Variants in DARS2 observed in about 807,000 individuals in gnomAD.
DARS2 encodes the protein aspartate--tRNA ligase, mitochondrial.
DARS2 carries 63 observed loss-of-function variants against 83.0 expected under a neutral mutation model. The observed-to-expected ratio is 0.76, with a 90% CI of 0.62 to 0.94. The LOEUF (loss-of-function observed/expected upper bound fraction) is 0.94, where lower values mean the gene tolerates loss of function less well. Ranked by LOEUF, DARS2 falls within the 40% of genes least tolerant of loss-of-function variation. DARS2 has a pLI of 0.00. For synonymous variants in DARS2, 250 were observed against 269.3 expected (o/e 0.93, Z 0.70); for missense variants, 675 against 774.4 (o/e 0.87, Z 1.52).
At position 173,840,937 on chromosome 1, in the gene DARS2, TG is replaced by T. The variant is rs1553202681; in HGVS notation, c.1094del (p.Gly365GlufsTer3). 1 of 1,612,536 alleles carries T rather than the reference TG, an allele frequency of 6.2e-7. No individual in the cohort carries two copies. The highest frequency in any genetic ancestry group is 1.1e-5 in the South Asian group (1 of 91,058). ...FLQDALSKPH[G>X]TVKAICIPEG... The stretch of plus-strand genomic sequence containing the variant: ...TTCAAGATGCACTTAGTAAGCCCCA[TG>T]GAACTGTGAAAGCCATATGTATCCC... On this transcript the variant is annotated frameshift_variant, in exon 11 of 17. Coordinates refer to ENST00000649689, the MANE Select transcript of DARS2 (RefSeq NM_018122.5). LOFTEE classifies it high-confidence loss of function.
rs541775140 is a variant in DARS2, at chr1:173,856,014, A to G, written c.1675-652A>G. On this transcript the variant is annotated intron_variant, in intron 15 of 16. Transcript: ENST00000649689. ...AAATAGTGGTTCTCAGCCCTGCTGCACCTTACAATCAAATCACCTGGAAAG... is the reference window on the plus strand; with the variant it reads ...AAATAGTGGTTCTCAGCCCTGCTGCGCCTTACAATCAAATCACCTGGAAAG... 3.3e-5 allele frequency among the ~76,000 whole-genome samples: 5 copies of G among 152,070 alleles called. No individual in the cohort carries two copies. In the South Asian group the frequency reaches 6.2e-4, roughly 19 times the overall value.
chr1:173,854,633 A>G (rs1414060910), intron 15 of DARS2, among the ~76,000 whole-genome samples: 1 of 152,218 alleles, frequency 6.6e-6, no homozygotes, highest in Non-Finnish European at 1.5e-5. Flanking sequence ...GTGGCTCTTA[A>G]GCCCATGCTC....
At chr1:173,854,409 A>G (rs138020908) in intron 15 of DARS2, among the ~76,000 whole-genome samples, 10 of 152,344 alleles carry the variant, frequency 6.6e-5, no homozygotes, top group Non-Finnish European at 1.5e-4. Flanking sequence ...AAATAATAAT[A>G]TTAAATGCTT....
chr1:173,825,794 C>T (rs1557852395), intron 1 of DARS2, among the ~76,000 whole-genome samples: 1 of 25,082 alleles, frequency 4.0e-5, no homozygotes, highest in Non-Finnish European at 7.1e-5. Flanking sequence ...ACTGGATAGC[C>T]TTATGTGTAG....
In DARS2 at chr1:173,825,396, C is replaced by T. The variant is rs556817625; in HGVS notation, c.127+40C>T. ...GAGATCTATCCTATGAACAGTACTT[C>T]AGCCTGTTATCTACGGCCGGAGAGC... On this transcript the variant is annotated intron_variant, in intron 1 of 16. Coordinates refer to ENST00000649689, the MANE Select transcript of DARS2 (RefSeq NM_018122.5). 2.5e-6 allele frequency: 4 copies of T among 1,601,090 alleles called. No individual in the cohort carries two copies. The Admixed American group carries it at 5.0e-5, about 20-fold the overall frequency.
intron 12 of DARS2, among the ~76,000 whole-genome samples, chr1:173,849,861 CTTTT>C (rs10558579): frequency 0.014 from 1,566 of 109,942 alleles, 22 homozygotes; most frequent in African/African-American, 0.048. Flanking sequence ...GTTGAAATGA[CTTTT>C]TTTTTTTTTT....
intron 12 of DARS2, among the ~76,000 whole-genome samples, chr1:173,847,854 T>C (rs1653494536): frequency 7.2e-6 from 1 of 139,692 alleles, no homozygotes; most frequent in Non-Finnish European, 1.6e-5. Context: ...CTTTTTTTTT[T>C]TTTTTTTTTT....
At chr1:173,833,892 T>C (rs1652884314) in intron 6 of DARS2, among the ~76,000 whole-genome samples, 1 of 152,008 alleles carries the variant, frequency 6.6e-6, no homozygotes, top group South Asian at 2.1e-4. Context: ...CCCAAGTAGC[T>C]AGGACCACAG....
In DARS2 at chr1:173,826,665, CTTTTTTTTT is replaced by C; in HGVS notation, c.128-13_128-5del. The C allele has an allele frequency of 1.6e-6, 2 of 1,260,700 alleles. No homozygotes were observed. The highest frequency in any genetic ancestry group is 1.1e-6 in the Non-Finnish European group (1 of 913,164). The allele number at this position is 1,260,700 out of a possible 1,614,324, so 78.1% of individuals were successfully genotyped here. A position where few individuals can be genotyped will look rare whatever the true frequency, so the allele number is the denominator to read the frequency against. The stretch of plus-strand genomic sequence containing the variant: ...TTTTTAATCTTGCCTTTTAAAGTTT[CTTTTTTTTT>C]TTTTTTTTAAAGAATTCAGTAGCTT... On this transcript the variant is annotated splice_polypyrimidine_tract_variant and intron_variant, in intron 1 of 16. Transcript: ENST00000649689.
rs769537132 is a variant in DARS2, at chr1:173,857,498, T to C, written c.1751-20T>C. The C allele has an allele frequency of 2.5e-6, 4 of 1,609,304 alleles. No homozygotes were observed. Among genetic ancestry groups the C allele is most frequent in the Non-Finnish European group, 1.7e-6 (2 of 1,175,606 alleles). On this transcript the variant is annotated intron_variant, in intron 16 of 16. Transcript: ENST00000649689. ...ATTAGATTACATTTCTCATCTGTTA[T>C]CTTTGTATTTTACTCACAGGGTTAG...
At chr1:173,837,122 C>A (rs749852083) in intron 8 of DARS2, 76 bp downstream of exon 8, 6 of 1,288,012 alleles carry the variant, frequency 4.7e-6, no homozygotes, top group Admixed American at 3.4e-5. Flanking sequence ...ACACAAAATC[C>A]TCTCTGTTCT....
At chr1:173,833,023 A>G (rs993844095) in intron 5 of DARS2, among the ~76,000 whole-genome samples, 13 of 152,146 alleles carry the variant, frequency 8.5e-5, no homozygotes. Context: ...GGCACATGCC[A>G]CCATGCCCAG....
At chr1:173,825,448 CCATTATTATTATTATTAT>C in intron 1 of DARS2, 92 bp downstream of exon 1, 1 of 646,150 alleles carries the variant, frequency 1.5e-6, no homozygotes, top group Non-Finnish European at 2.2e-6. Flanking sequence ...ATTTTTTCCC[CCATTATTATTATTATTAT>C]TATTATTATT....
chr1:173,832,110 G>A lies in DARS2; in HGVS notation c.492+480G>A, dbSNP rs1341671622. Among the ~76,000 whole-genome samples the A allele has an allele frequency of 2.6e-5, 4 of 152,140 alleles. No individual in the cohort carries two copies. In the East Asian group the frequency reaches 7.7e-4, roughly 29 times the overall value. On this transcript the variant is annotated intron_variant, in intron 5 of 16. Transcript: ENST00000649689. ...TGCCAAAGTTTAAGGGCTTGATGGA[G>A]CTGTACACTCATATGATTTTCAGCT...
chr1:173,852,235 C>T (rs1653699607), intron 13 of DARS2: 1 of 985,292 alleles, frequency 1.0e-6, no homozygotes, highest in Admixed American at 6.2e-5. Context: ...ACCAGCTGTC[C>T]TTTCTCAGGG....
intron 7 of DARS2, among the ~76,000 whole-genome samples, chr1:173,834,879 A>G (rs1167436739): frequency 1.4e-5 from 2 of 147,996 alleles, no homozygotes; most frequent in African/African-American, 5.0e-5. Context: ...ACTGGATCCA[A>G]GCGATTCTCA....
chr1:173,853,988 T>G, intron 15 of DARS2, 83 bp downstream of exon 15: 1 of 1,254,832 alleles, frequency 8.0e-7, no homozygotes, highest in Non-Finnish European at 1.1e-6. Context: ...TGTTTGCTTG[T>G]TTGTTTTGTT....
chr1:173,831,837 A>G (rs1042081249), intron 5 of DARS2, among the ~76,000 whole-genome samples: 3 of 152,214 alleles, frequency 2.0e-5, no homozygotes, highest in Non-Finnish European at 4.4e-5. Context: ...TGCAGTCCCT[A>G]AATACCTAGA....
At chr1:173,845,896 G>A (rs1348284816) in intron 12 of DARS2, among the ~76,000 whole-genome samples, 1 of 152,046 alleles carries the variant, frequency 6.6e-6, no homozygotes, top group Non-Finnish European at 1.5e-5. Context: ...GTTGGCTCAC[G>A]CCTGTAATCC....
Sources: allele counts gnomAD v4.1 joint callset (sites outside exome capture counted in the v4.1 genomes callset), GRCh38; gene constraint gnomAD v4.1.1; transcripts MANE v1.5; gene names NCBI Gene and HGNC (gene_info 2026-07-23, HGNC 2026-07-21).